The following SOX5 variants were observed in gnomAD, a reference collection of about 807,000 sequenced individuals.
The protein encoded by SOX5 is SRY-box transcription factor 5.
A neutral mutation model predicts 92.0 loss-of-function variants in SOX5; 9 were observed. The observed-to-expected ratio is 0.10, with a 90% confidence interval of 0.06 to 0.17. The LOEUF (loss-of-function observed/expected upper bound fraction) is 0.17. Ranked by LOEUF, SOX5 falls within the 10% of genes least tolerant of loss-of-function variation. The pLI, the probability that SOX5 is intolerant of heterozygous loss-of-function variation, is 1.00. For missense variants in SOX5, 642 were observed against 944.5 expected (o/e 0.68, Z 4.20); for synonymous variants, 344 against 336.3 (o/e 1.02, Z -0.25).
intron 6 of SOX5, among the ~76,000 whole-genome samples, chr12:23,677,746 T>C (rs1027698984): frequency 6.6e-6 from 1 of 152,192 alleles, no homozygotes; most frequent in Non-Finnish European, 1.5e-5. Context: ...GGTGCTAGAT[T>C]GGTGTGAATG....
chr12:24,524,372 T>TATC (rs1167841363), intron 1 of SOX5, among the ~76,000 whole-genome samples: 8 of 151,974 alleles, frequency 5.3e-5, no homozygotes, highest in Admixed American at 4.6e-4. Flanking sequence ...TCTATCTATC[T>TATC]ATCTATCTAT....
At chr12:23,667,024 T>C (rs886080946) in intron 6 of SOX5, among the ~76,000 whole-genome samples, 3 of 152,084 alleles carry the variant, frequency 2.0e-5, no homozygotes, top group Middle Eastern at 3.4e-3. Context: ...CTCTGAGCTG[T>C]TTCTGAGATT....
intron 1 of SOX5, among the ~76,000 whole-genome samples, chr12:24,435,011 T>A (rs2137098478): frequency 6.6e-6 from 1 of 152,198 alleles, no homozygotes; most frequent in East Asian, 1.9e-4. Flanking sequence ...CCTTTCCTTT[T>A]GGAGACTACA....
intron 1 of SOX5, among the ~76,000 whole-genome samples, chr12:24,450,210 G>A (rs1274067548): frequency 6.6e-6 from 1 of 152,008 alleles, no homozygotes; most frequent in African/African-American, 2.4e-5. Context: ...CTACTTTTAG[G>A]GATTCACAAT....
At chr12:24,082,907 G>T (rs980545112) in intron 4 of SOX5, among the ~76,000 whole-genome samples, 5 of 151,842 alleles carry the variant, frequency 3.3e-5, no homozygotes, top group African/African-American at 9.6e-5. Flanking sequence ...CTTTTATAAA[G>T]ATTTAATTAC....
chr12:23,623,147 A>G (rs1324386488), intron 8 of SOX5, among the ~76,000 whole-genome samples: 1 of 152,154 alleles, frequency 6.6e-6, no homozygotes, highest in Admixed American at 6.5e-5. Flanking sequence ...TTCAATCAGC[A>G]AAAACATTTT....
At chr12:23,988,079 A>T (rs1392200951) in intron 4 of SOX5, among the ~76,000 whole-genome samples, 2 of 152,180 alleles carry the variant, frequency 1.3e-5, no homozygotes, top group African/African-American at 2.4e-5. Flanking sequence ...GAATTTGGTG[A>T]TTCAAAATGG....
chr12:24,442,584 T>C (rs1200554490), intron 1 of SOX5, among the ~76,000 whole-genome samples: 1 of 152,186 alleles, frequency 6.6e-6, no homozygotes, highest in Non-Finnish European at 1.5e-5. Flanking sequence ...GAGGAGACGT[T>C]AATGAGAAAG....
At chr12:23,826,198 C>A (rs1285398720) in intron 3 of SOX5, among the ~76,000 whole-genome samples, 5 of 149,858 alleles carry the variant, frequency 3.3e-5, no homozygotes, top group Non-Finnish European at 7.4e-5. Context: ...CAACAGGCCC[C>A]GGTGTGTGAT....
chr12:23,553,773 T>G (rs1045766059), intron 11 of SOX5, among the ~76,000 whole-genome samples: 3 of 152,112 alleles, frequency 2.0e-5, no homozygotes, highest in African/African-American at 7.2e-5. Flanking sequence ...TACACAAATG[T>G]AAACACAAAA....
intron 4 of SOX5, among the ~76,000 whole-genome samples, chr12:24,101,027 T>C (rs954871545): frequency 2.0e-5 from 3 of 152,118 alleles, no homozygotes; most frequent in African/African-American, 4.8e-5. Flanking sequence ...GGCCTTCCAT[T>C]TTTACTACTG....
Position 24,428,726 on chromosome 12 carries a change from C to CAAAAA in SOX5, c.-250-60092_-250-60088dup, listed in dbSNP as rs57964050. Among the ~76,000 whole-genome samples, 71 of 32,596 alleles carry CAAAAA rather than the reference C, an allele frequency of 2.2e-3. 9 individuals carry two copies. The highest frequency in any genetic ancestry group is 7.4e-3 in the African/African-American group (59 of 7,964). 21.4% of individuals were successfully genotyped at this position (32,596 alleles called of 152,430 possible). Reference sequence around the variant, plus strand: ...GGCAACAGAGTGAGACTCTGTTTCTCAAAAAAAAAAAAAAAAAAAAAAAAA... The same window carrying CAAAAA: ...GGCAACAGAGTGAGACTCTGTTTCTCAAAAAAAAAAAAAAAAAAAAAAAAAAAAAA... On this transcript the variant is annotated intron_variant, in intron 1 of 4. Coordinates refer to the SOX5 transcript ENST00000446891.
chr12:24,500,593 T>C (rs1463568453), intron 1 of SOX5, among the ~76,000 whole-genome samples: 1 of 152,206 alleles, frequency 6.6e-6, no homozygotes, highest in East Asian at 1.9e-4. Context: ...CTTCTCCCCC[T>C]TCCTTTCATA....
chr12:23,755,820 T>A (rs1334749829), intron 3 of SOX5, 96 bp from the exon 4 acceptor site: 3 of 723,262 alleles, frequency 4.1e-6, no homozygotes, highest in African/African-American at 3.8e-5. Flanking sequence ...GCCATCCCTA[T>A]CCCAGCCCCA....
chr12:24,109,259 T>C (rs1365581099), intron 4 of SOX5, among the ~76,000 whole-genome samples: 2 of 152,174 alleles, frequency 1.3e-5, no homozygotes, highest in Non-Finnish European at 2.9e-5. Flanking sequence ...AGATATATAG[T>C]AGCATCAGGT....
chr12:24,396,184 A>C (rs1019851551), intron 1 of SOX5, among the ~76,000 whole-genome samples: 1 of 152,218 alleles, frequency 6.6e-6, no homozygotes, highest in African/African-American at 2.4e-5. Context: ...CTCTCATTTT[A>C]AAACGTATCA....
rs189961094 is a variant in SOX5 at position 24,241,889 on chromosome 12, A to G, written c.-76-28472T>C. 1.8e-4 allele frequency among the ~76,000 whole-genome samples: 27 copies of G among 152,342 alleles called. No individual in the cohort carries two copies. The East Asian group carries it at 4.4e-3, about 25-fold the overall frequency. On this transcript the variant is annotated intron_variant, in intron 3 of 4. Coordinates refer to the SOX5 transcript ENST00000446891. ...TGACTGTAATTAAAGCTACTGGGAA[A>G]AAAATAAGTTTTCTTACTGTCTACA...
At chr12:23,986,665 GA>G (rs1427923435) in intron 4 of SOX5, among the ~76,000 whole-genome samples, 1 of 152,156 alleles carries the variant, frequency 6.6e-6, no homozygotes, top group Non-Finnish European at 1.5e-5. Flanking sequence ...TCATGGACGT[GA>G]ATGATTTTGT....
chr12:24,193,432 A>G (rs1253926779), intron 4 of SOX5, among the ~76,000 whole-genome samples: 1 of 152,222 alleles, frequency 6.6e-6, no homozygotes, highest in Non-Finnish European at 1.5e-5. Context: ...ACCTACAGAA[A>G]TTGACAGAAA....
Sources: allele counts gnomAD v4.1 joint callset (sites outside exome capture counted in the v4.1 genomes callset), GRCh38; gene constraint gnomAD v4.1.1; transcripts MANE v1.5; gene names NCBI Gene and HGNC (gene_info 2026-07-23, HGNC 2026-07-21).